CELF2: variants seen among roughly 807,000 people sequenced by gnomAD.
CELF2 encodes CUG triplet repeat RNA-binding protein 2.
CELF2 carries 8 observed loss-of-function variants against 62.6 expected under a neutral mutation model. The ratio of observed to expected loss-of-function variants is 0.13; its 90% CI spans 0.07 to 0.23. The LOEUF (loss-of-function observed/expected upper bound fraction) is 0.23. CELF2 is among the 10% of genes least tolerant of loss of function. CELF2 has a pLI of 1.00. For missense variants in CELF2, 333 were observed against 671.0 expected, an observed-to-expected ratio of 0.50 and a Z score of 5.56; for synonymous variants, 258 against 250.0, an observed-to-expected ratio of 1.03 and a Z score of -0.30.
At chr10:11,182,539 T>G (rs1460289136) in intron 2 of CELF2, among the ~76,000 whole-genome samples, 2 of 152,210 alleles carry the variant, frequency 1.3e-5, no homozygotes, top group African/African-American at 4.8e-5. Context: ...TTTCTTCCTT[T>G]GAGGACTTGG....
intron 1 of CELF2, among the ~76,000 whole-genome samples, chr10:11,024,900 G>GTACTTTATTTACA (rs1221501305): frequency 1.3e-5 from 2 of 152,158 alleles, no homozygotes; most frequent in African/African-American, 4.8e-5. Context: ...CCATAACAGT[G>GTACTTTATTTACA]TACTCCCAAG....
intron 2 of CELF2, among the ~76,000 whole-genome samples, chr10:10,953,619 T>G (rs2048557771): frequency 6.6e-6 from 1 of 152,112 alleles, no homozygotes; most frequent in Admixed American, 6.6e-5. Context: ...GATCAAAGAC[T>G]TAAATGAAAA....
chr10:10,758,560 A>G, the CELF2 span, among the ~76,000 whole-genome samples: 10 of 149,140 alleles, frequency 6.7e-5, no homozygotes, highest in East Asian at 1.6e-3. Context: ...TACAGAGCCT[A>G]CGCTGTCCCA....
chr10:11,044,932 A>T (rs1453571289), intron 1 of CELF2, among the ~76,000 whole-genome samples: 1 of 152,230 alleles, frequency 6.6e-6, no homozygotes. Context: ...TGTGCAGCAC[A>T]TTGTTACCTG....
chr10:11,062,834 C>G (rs559709077), intron 1 of CELF2, among the ~76,000 whole-genome samples: 10 of 152,276 alleles, frequency 6.6e-5, no homozygotes, highest in African/African-American at 2.4e-4. Context: ...GGGCAACGTG[C>G]TATCAAACAG....
chr10:11,039,916 G>A lies in CELF2; in HGVS notation c.74+21753G>A, dbSNP rs931603666. On this transcript the variant is annotated intron_variant, in intron 1 of 12. Coordinates refer to ENST00000633077, the MANE Select transcript of CELF2 (RefSeq NM_001326342.2). This position sits in a 1 kb window ranked among gnomAD's most constrained non-coding sequence, Gnocchi z 4.1. ...GGATCTTCCTGTTTGTTTTTGTCAA[G>A]CTAATATTATTTACAAAAACCATCC... 5.3e-5 allele frequency among the ~76,000 whole-genome samples: 8 copies of A among 152,122 alleles called. No homozygotes were observed. Among genetic ancestry groups the A allele is most frequent in the Admixed American group, 5.2e-4 (8 of 15,258 alleles).
the CELF2 span, among the ~76,000 whole-genome samples, chr10:10,558,247 G>T: frequency 6.6e-6 from 1 of 151,964 alleles, no homozygotes; most frequent in Non-Finnish European, 1.5e-5. Flanking sequence ...AGCATGAAGG[G>T]TTGTTGAATT....
Position 11,290,663 on chromosome 10 carries a change from G to A in CELF2, c.976+2111G>A, listed in dbSNP as rs2092389112. ...AGTGGAGGAAAATGTGTTGTGGGAT[G>A]AGCCTTCCTCCCTGCTGGAGTCAAA... On this transcript the variant is annotated intron_variant, in intron 9 of 12. Transcript: ENST00000633077. The surrounding 1 kb of genome is among the most constrained non-coding windows in gnomAD (Gnocchi z 4.3). Among the ~76,000 whole-genome samples the A allele has an allele frequency of 6.6e-6, 1 of 152,158 alleles. No individual in the cohort carries two copies. Among genetic ancestry groups the A allele is most frequent in the African/African-American group, 2.4e-5 (1 of 41,420 alleles).
At chr10:10,768,111 A>G in the CELF2 span, among the ~76,000 whole-genome samples, 1 of 150,518 alleles carries the variant, frequency 6.6e-6, no homozygotes, top group Non-Finnish European at 1.5e-5. Flanking sequence ...GCTTGCCATG[A>G]GCTGAGACCA....
chr10:10,843,458 C>T (rs572544594), intron 1 of CELF2, among the ~76,000 whole-genome samples: 19 of 152,018 alleles, frequency 1.2e-4, no homozygotes, highest in African/African-American at 4.6e-4. Flanking sequence ...ACTGCTTTTG[C>T]TGCATGTCGC....
chr10:10,921,599 T>TTAC (rs757594057), intron 2 of CELF2, among the ~76,000 whole-genome samples: 6 of 150,614 alleles, frequency 4.0e-5, no homozygotes, highest in Admixed American at 4.0e-4. Context: ...GAGGAGAAAT[T>TTAC]TACTCATCTA....
At chr10:11,040,761 C>G (rs926351609) in intron 1 of CELF2, among the ~76,000 whole-genome samples, 4 of 152,104 alleles carry the variant, frequency 2.6e-5, no homozygotes, top group Admixed American at 2.6e-4. Context: ...ACTGATTTCA[C>G]CTTCTACCTT....
intron 1 of CELF2, among the ~76,000 whole-genome samples, chr10:10,905,764 G>A (rs1387634342): frequency 3.3e-5 from 5 of 152,038 alleles, no homozygotes; most frequent in Non-Finnish European, 7.4e-5. Context: ...TGTAGTCCCA[G>A]CTACTTGGGA....
chr10:10,968,466 G>A (rs939124820), intron 2 of CELF2, among the ~76,000 whole-genome samples: 2 of 152,086 alleles, frequency 1.3e-5, no homozygotes, highest in Non-Finnish European at 2.9e-5. Flanking sequence ...TCCTGTTGTC[G>A]AAATGGAGAA....
intron 3 of CELF2, among the ~76,000 whole-genome samples, chr10:11,221,874 A>G (rs1385381140): frequency 2.6e-5 from 4 of 152,254 alleles, no homozygotes; most frequent in African/African-American, 7.2e-5. Context: ...TAGCAGCAGC[A>G]TGCCAAAAGA....
At chr10:10,986,457 C>A (rs1308955257) in intron 2 of CELF2, among the ~76,000 whole-genome samples, 1 of 152,034 alleles carries the variant, frequency 6.6e-6, no homozygotes, top group Non-Finnish European at 1.5e-5. Flanking sequence ...AAATGCGTTA[C>A]ATTAAAGGTG....
At chr10:11,009,259 C>A (rs1446691499) in intron 1 of CELF2, among the ~76,000 whole-genome samples, 3 of 151,940 alleles carry the variant, frequency 2.0e-5, no homozygotes, top group Non-Finnish European at 2.9e-5. Context: ...TGTCCTAGAG[C>A]CGAAGCACCT....
intron 2 of CELF2, chr10:10,923,735 A>T (rs2065142001): frequency 6.6e-6 from 1 of 152,266 alleles, no homozygotes; most frequent in South Asian, 2.1e-4. Flanking sequence ...TGATCTTGTT[A>T]GGATTAAAAC....
intron 1 of CELF2, among the ~76,000 whole-genome samples, chr10:11,080,011 A>G (rs2073540121): frequency 6.6e-6 from 1 of 152,182 alleles, no homozygotes; most frequent in Non-Finnish European, 1.5e-5. Flanking sequence ...ACTGTTGTGA[A>G]TTGCTCTCCG....
Sources: gnomAD v4.1 joint callset for allele counts (sites outside exome capture counted in the v4.1 genomes callset) on GRCh38, gnomAD v4.1.1 for gene constraint, Gnocchi (gnomAD v3.1) non-coding constraint, MANE v1.5 for transcripts, NCBI Gene and HGNC (gene_info 2026-07-23, HGNC 2026-07-21) for gene names.